Variants in C12orf56 observed in about 807,000 individuals in gnomAD.
C12orf56 encodes the protein uncharacterized protein C12orf56.
C12orf56 carries 71 observed loss-of-function variants against 69.9 expected under a neutral mutation model. The ratio of observed to expected loss-of-function variants is 1.02; its 90% confidence interval spans 0.84 to 1.24. The LOEUF (loss-of-function observed/expected upper bound fraction) is 1.24. Ranked by LOEUF, C12orf56 falls within the 50% of genes most tolerant of loss-of-function variation. The pLI is 0.00. For synonymous variants in C12orf56, 276 were observed against 274.1 expected (o/e 1.01, Z -0.07); for missense variants, 732 against 738.5 (o/e 0.99, Z 0.10).
At position 64,366,917 on chromosome 12, in the gene C12orf56, C is replaced by CGT. The variant is rs547227785; in HGVS notation, c.253-13862_253-13861insAC. Among the ~76,000 whole-genome samples the CGT allele has an allele frequency of 7.0e-4, 85 of 121,372 alleles. 1 individual carries two copies. Among genetic ancestry groups the CGT allele is most frequent in the African/African-American group, 2.6e-3 (80 of 30,704 alleles). 79.6% of individuals were successfully genotyped at this position (121,372 alleles called of 152,430 possible). The stretch of plus-strand genomic sequence containing the variant: ...CATACAGTTTATATATTATATATAA[C>CGT]ACAGTTTATATATTATATATAACAT... On this transcript the variant is annotated intron_variant, in intron 1 of 12. Coordinates refer to ENST00000543942, the MANE Select transcript of C12orf56 (RefSeq NM_001170633.2).
At chr12:64,379,416 C>G (rs1426356882) in intron 1 of C12orf56, among the ~76,000 whole-genome samples, 1 of 151,892 alleles carries the variant, frequency 6.6e-6, no homozygotes, top group Non-Finnish European at 1.5e-5. Flanking sequence ...TCCTGCGTAG[C>G]TGGGACCACA....
In C12orf56 at chr12:64,371,907, T is replaced by TC. The variant is rs1440387940; in HGVS notation, c.252+18406_252+18407insG. ...TATTGGTCTTGGCAATGATTTCTTTTTTTTTTTTTTTTTTTTTGCACGCAC... is the reference window on the plus strand; with the variant it reads ...TATTGGTCTTGGCAATGATTTCTTTTCTTTTTTTTTTTTTTTTTGCACGCAC... On this transcript the variant is annotated intron_variant, in intron 1 of 12. Transcript: ENST00000543942. Among the ~76,000 whole-genome samples, 353 of 141,522 alleles carry TC rather than the reference T, an allele frequency of 2.5e-3. 7 individuals are homozygous for TC. The highest frequency in any genetic ancestry group is 7.3e-3 in the Middle Eastern group (2 of 274). 92.8% of individuals were successfully genotyped at this position (141,522 alleles called of 152,430 possible). A position where few individuals can be genotyped will look rare whatever the true frequency, so the allele number is the denominator to read the frequency against.
chr12:64,371,760 G>T (rs1434263673), intron 1 of C12orf56, among the ~76,000 whole-genome samples: 1 of 152,004 alleles, frequency 6.6e-6, no homozygotes, highest in Non-Finnish European at 1.5e-5. Flanking sequence ...AATCCAGGAG[G>T]TAGAGGTTGC....
chr12:64,283,841 C>G (rs1411290174), intron 8 of C12orf56, among the ~76,000 whole-genome samples: 1 of 151,832 alleles, frequency 6.6e-6, no homozygotes, highest in African/African-American at 2.4e-5. Flanking sequence ...TGAATATTTA[C>G]TCTGAACTGT....
rs527804613 is a variant in C12orf56 at position 64,272,196 on chromosome 12, T to A, written c.1585-1482A>T. Among the ~76,000 whole-genome samples, 44 of 151,980 alleles carry A rather than the reference T, an allele frequency of 2.9e-4. No homozygotes were observed. The South Asian group carries it at 5.2e-3, about 18-fold the overall frequency. On this transcript the variant is annotated intron_variant, in intron 11 of 12. Coordinates refer to ENST00000543942, the MANE Select transcript of C12orf56 (RefSeq NM_001170633.2). ...ACATAGCAAGACCCCATCTCATTTT[T>A]AAAAATTTTTTAAAATAAATAAATG... is the stretch of plus-strand genomic sequence containing the variant.
At chr12:64,350,236 C>CTTA (rs2135948017) in intron 2 of C12orf56, among the ~76,000 whole-genome samples, 1 of 152,092 alleles carries the variant, frequency 6.6e-6, no homozygotes, top group Admixed American at 6.6e-5. Context: ...TCACAAATTA[C>CTTA]CACTAAAGAA....
chr12:64,348,793 T>C (rs1321079799), intron 2 of C12orf56, among the ~76,000 whole-genome samples: 1 of 152,236 alleles, frequency 6.6e-6, no homozygotes, highest in Non-Finnish European at 1.5e-5. Context: ...TTGTCTTGTC[T>C]TGATCCTCTT....
intron 2 of C12orf56, among the ~76,000 whole-genome samples, chr12:64,349,321 A>G (rs61931521): frequency 0.28 from 43,328 of 152,122 alleles, 6,432 homozygotes; most frequent in Admixed American, 0.37. Flanking sequence ...ACAATGCAAT[A>G]CCACTTTACT....
intron 1 of C12orf56, among the ~76,000 whole-genome samples, chr12:64,354,585 G>A (rs887980890): frequency 2.6e-5 from 4 of 152,094 alleles, no homozygotes; most frequent in African/African-American, 9.6e-5. Context: ...AGCCTCCGGA[G>A]TATCTGGGAT....
intron 5 of C12orf56, among the ~76,000 whole-genome samples, chr12:64,309,701 G>A (rs10784402): frequency 0.41 from 62,645 of 151,938 alleles, 12,968 homozygotes; most frequent in African/African-American, 0.43. Context: ...AGTAGAGACA[G>A]GGTTTCGCCC....
At chr12:64,379,469 G>A (rs185285390) in intron 1 of C12orf56, among the ~76,000 whole-genome samples, 16 of 151,754 alleles carry the variant, frequency 1.1e-4, no homozygotes, top group African/African-American at 3.6e-4. Flanking sequence ...TATTTTTTTA[G>A]TAGAGACGGG....
intron 1 of C12orf56, among the ~76,000 whole-genome samples, chr12:64,389,882 CA>C (rs1312728651): frequency 1.4e-4 from 21 of 152,162 alleles, no homozygotes; most frequent in African/African-American, 4.1e-4. Flanking sequence ...ACTTAACACA[CA>C]GCATTTATTT....
At chr12:64,304,142 A>C (rs1175200556) in intron 5 of C12orf56, among the ~76,000 whole-genome samples, 1 of 152,126 alleles carries the variant, frequency 6.6e-6, no homozygotes, top group Non-Finnish European at 1.5e-5. Flanking sequence ...TTATAAAGAA[A>C]ATGTTGTGTC....
chr12:64,385,977 C>T (rs1001182132), intron 1 of C12orf56, among the ~76,000 whole-genome samples: 15 of 152,076 alleles, frequency 9.9e-5, no homozygotes, highest in Non-Finnish European at 1.9e-4. Flanking sequence ...GCCTGGGAAA[C>T]ATGGCAAGAC....
At chr12:64,375,695 G>A (rs73118388) in intron 1 of C12orf56, among the ~76,000 whole-genome samples, 4 of 152,252 alleles carry the variant, frequency 2.6e-5, no homozygotes, top group Non-Finnish European at 5.9e-5. Flanking sequence ...CCATTCTATG[G>A]TCATTCAGCA....
chr12:64,366,996 C>G (rs182902618), intron 1 of C12orf56, among the ~76,000 whole-genome samples: 9 of 81,512 alleles, frequency 1.1e-4, no homozygotes, highest in Admixed American at 4.1e-4. Flanking sequence ...ATAACATACA[C>G]TTTATATATT....
chr12:64,299,489 C>A (rs1371655449), intron 6 of C12orf56, among the ~76,000 whole-genome samples: 1 of 152,050 alleles, frequency 6.6e-6, no homozygotes, highest in Admixed American at 6.6e-5. Flanking sequence ...TAAAACAGAT[C>A]ATGAAAGCTT....
chr12:64,373,788 G>C (rs982875813), intron 1 of C12orf56, among the ~76,000 whole-genome samples: 2 of 152,132 alleles, frequency 1.3e-5, no homozygotes, highest in Non-Finnish European at 2.9e-5. Flanking sequence ...TTTTTAGGGG[G>C]TTAAAATTTA....
intron 9 of C12orf56, 128 bp downstream of exon 9, chr12:64,277,552 G>T: frequency 1.7e-6 from 1 of 584,322 alleles, no homozygotes; most frequent in Non-Finnish European, 2.4e-6. Context: ...TGAGGTTAAT[G>T]ACAAAAGATC....
Sources: gnomAD v4.1 joint callset for allele counts (sites outside exome capture counted in the v4.1 genomes callset) on GRCh38, gnomAD v4.1.1 for gene constraint, MANE v1.5 for transcripts, NCBI Gene and HGNC (gene_info 2026-07-23, HGNC 2026-07-21) for gene names.